The following KCNG2 variants were observed in gnomAD, a reference collection of about 807,000 sequenced individuals.
KCNG2 encodes voltage-gated potassium channel regulatory subunit KCNG2.
In KCNG2, 7 loss-of-function variants were observed where a neutral mutation model predicts 12.3. The observed-to-expected ratio is 0.57, with a 90% confidence interval of 0.32 to 1.07. The LOEUF is 1.07. KCNG2 is among the 50% of genes least tolerant of loss of function. The probability of loss-of-function intolerance (pLI) is 0.04; values close to 1 mark genes in which losing one functional copy is unlikely to be tolerated. For missense variants in KCNG2, 703 were observed against 726.0 expected, an observed-to-expected ratio of 0.97 and a Z score of 0.36; for synonymous variants, 414 against 351.4, an observed-to-expected ratio of 1.18 and a Z score of -1.99.
intron 1 of KCNG2, among the ~76,000 whole-genome samples, chr18:79,850,346 T>A (rs529272269): frequency 1.7e-3 from 256 of 152,360 alleles, no homozygotes; most frequent in Non-Finnish European, 2.6e-3. Flanking sequence ...CTTGATAAAG[T>A]CATTTGAGTT....
At chr18:79,894,945 T>G (rs555122277) in intron 3 of KCNG2, among the ~76,000 whole-genome samples, 7 of 147,784 alleles carry the variant, frequency 4.7e-5, no homozygotes, top group South Asian at 4.3e-4. Context: ...ACATCTAATG[T>G]TACGATTGAT....
intron 3 of KCNG2, among the ~76,000 whole-genome samples, chr18:79,897,815 C>T (rs1320815485): frequency 2.0e-5 from 3 of 151,814 alleles, no homozygotes; most frequent in South Asian, 2.1e-4. Flanking sequence ...GTCTCGGTGT[C>T]GAAGCACCAG....
intron 1 of KCNG2, among the ~76,000 whole-genome samples, chr18:79,836,742 G>A (rs1978329344): frequency 6.6e-6 from 1 of 152,130 alleles, no homozygotes. Context: ...TTTAAACCAT[G>A]AGTCCTTGTA....
intron 1 of KCNG2, among the ~76,000 whole-genome samples, chr18:79,823,271 G>A (rs971024522): frequency 4.6e-5 from 7 of 152,192 alleles, no homozygotes; most frequent in African/African-American, 1.7e-4. Context: ...GCGGGCACTG[G>A]GCTGTTTCCA....
At chr18:79,859,536 C>G (rs534992985) in intron 2 of KCNG2, among the ~76,000 whole-genome samples, 1 of 128,404 alleles carries the variant, frequency 7.8e-6, no homozygotes, top group African/African-American at 2.5e-5. Flanking sequence ...CGAGAACTCA[C>G]TCATTACCAT....
rs115972654 is a variant in KCNG2, at chr18:79,826,638, C to T, written c.-115+28624C>T. Among the ~76,000 whole-genome samples, 220 of 131,030 alleles carry T rather than the reference C, an allele frequency of 1.7e-3. 1 individual carries two copies. Among genetic ancestry groups the T allele is most frequent in the African/African-American group, 6.5e-3 (212 of 32,558 alleles). The allele number at this position is 131,030 out of a possible 152,430, so 86.0% of individuals were successfully genotyped here. On this transcript the variant is annotated intron_variant, in intron 1 of 3. Transcript: ENST00000316249. Reference sequence around the variant, plus strand: ...GTGAGCAGCTCCTCACGGAAGATTACATTCGGCGCGTTACGTCATTACATC... The same window carrying T: ...GTGAGCAGCTCCTCACGGAAGATTATATTCGGCGCGTTACGTCATTACATC...
intron 1 of KCNG2, among the ~76,000 whole-genome samples, chr18:79,798,931 CCG>C (rs2087386318): frequency 2.0e-5 from 3 of 152,318 alleles, no homozygotes; most frequent in Admixed American, 1.3e-4. Flanking sequence ...GAGCCCCCGC[CCG>C]CGCGCCTGGC....
Position 79,869,274 on chromosome 18 carries a change from G to C in KCNG2, c.624+4983G>C, listed in dbSNP as rs552748134. Among the ~76,000 whole-genome samples the C allele has an allele frequency of 5.5e-3, 833 of 151,538 alleles. 7 individuals carry two copies. The highest frequency in any genetic ancestry group is 0.019 in the African/African-American group (796 of 41,510). On this transcript the variant is annotated intron_variant, in intron 3 of 3. Coordinates refer to ENST00000316249, the MANE Select transcript of KCNG2 (RefSeq NM_012283.2). Reference sequence around the variant, plus strand: ...CACAGGGGCAGTAGCTCCCTGTGGGGAGGGCTCGGCTCAGGGACCACGGAA... The same window carrying C: ...CACAGGGGCAGTAGCTCCCTGTGGGCAGGGCTCGGCTCAGGGACCACGGAA...
intron 3 of KCNG2, among the ~76,000 whole-genome samples, chr18:79,881,654 G>A (rs1980300731): frequency 6.6e-6 from 1 of 152,118 alleles, no homozygotes; most frequent in African/African-American, 2.4e-5. Context: ...CTGAAGACTC[G>A]GTGTGACTAA....
intron 1 of KCNG2, among the ~76,000 whole-genome samples, chr18:79,852,411 A>G (rs1361902597): frequency 6.6e-6 from 1 of 152,272 alleles, no homozygotes; most frequent in Non-Finnish European, 1.5e-5. Flanking sequence ...AAGCATGTCT[A>G]AAGAGCCCGT....
At chr18:79,825,645 T>C (rs975663265) in intron 1 of KCNG2, among the ~76,000 whole-genome samples, 3 of 152,212 alleles carry the variant, frequency 2.0e-5, no homozygotes, top group Non-Finnish European at 4.4e-5. Flanking sequence ...AGATGAAGTG[T>C]CAATAAGGAT....
At chr18:79,842,572 C>T (rs970508893) in intron 1 of KCNG2, among the ~76,000 whole-genome samples, 1 of 152,108 alleles carries the variant, frequency 6.6e-6, no homozygotes. Flanking sequence ...CTTAAAGAAG[C>T]TCAGTGAGCT....
chr18:79,844,902 AT>A (rs1453731082), intron 1 of KCNG2, among the ~76,000 whole-genome samples: 3 of 152,242 alleles, frequency 2.0e-5, no homozygotes, highest in Non-Finnish European at 4.4e-5. Context: ...GATAAATTGA[AT>A]TTTATCAAAA....
chr18:79,834,487 C>T (rs1296407305), intron 1 of KCNG2, among the ~76,000 whole-genome samples: 3 of 152,054 alleles, frequency 2.0e-5, no homozygotes, highest in Non-Finnish European at 4.4e-5. Context: ...CGACAAAGTC[C>T]GGCAGAGTCA....
rs565942438 is a variant in KCNG2, at chr18:79,825,051, A to C, written c.-115+27037A>C. On this transcript the variant is annotated intron_variant, in intron 1 of 3. Coordinates refer to ENST00000316249, the MANE Select transcript of KCNG2 (RefSeq NM_012283.2). ...GCATGGAGACTATCTAGGCTTTATA[A>C]TCTTGGGAGAATTCTCTGTAAACCT... Among the ~76,000 whole-genome samples the C allele has an allele frequency of 4.0e-5, 6 of 151,506 alleles. No homozygotes were observed. The East Asian group carries it at 1.2e-3, about 29-fold the overall frequency.
chr18:79,840,138 A>G (rs913824550), intron 1 of KCNG2, among the ~76,000 whole-genome samples: 1 of 152,228 alleles, frequency 6.6e-6, no homozygotes, highest in Admixed American at 6.5e-5. Context: ...AATAAAATGA[A>G]ATAAAATGTA....
intron 1 of KCNG2, among the ~76,000 whole-genome samples, chr18:79,802,440 T>G (rs1462624995): frequency 6.6e-6 from 1 of 151,980 alleles, no homozygotes; most frequent in African/African-American, 2.4e-5. Context: ...GTCCCAGCCG[T>G]GCCGCTCCGG....
Position 79,863,889 on chromosome 18 carries a change from C to G in KCNG2, c.222C>G (p.Ser74Arg), listed in dbSNP as rs903174558. The change falls in exon 3 of 4, where the codon AGC (serine) becomes AGG (arginine). Residue 74 changes from serine to arginine, a missense_variant. Transcript: ENST00000316249. ...GCGACGAGTTCTTCTTCGACCGCAG[C>G]CCGTGCGCCTTCCGCGCCATCGTGG... ...VSRDEFFFDR[S>R]PCAFRAIVAL... 1.4e-6 allele frequency: 2 copies of G among 1,463,018 alleles called. No homozygotes were observed. Among genetic ancestry groups the G allele is most frequent in the Non-Finnish European group, 1.8e-6 (2 of 1,104,318 alleles). 90.6% of individuals were successfully genotyped at this position (1,463,018 alleles called of 1,614,324 possible). A position where few individuals can be genotyped will look rare whatever the true frequency, so the allele number is the denominator to read the frequency against.
At position 79,864,124 on chromosome 18, in the gene KCNG2, C is replaced by T; in HGVS notation, c.457C>T (p.Arg153Trp). The stretch of plus-strand genomic sequence containing the variant: ...GAGCCCGGCGCGCGCCCTGGGACCT[C>T]GGGGGCGGCTGCAGCGCGGCCGGCG... ...QGSPARALGP[R>W]GRLQRGRRRL... Residue 153 changes from arginine to tryptophan, a missense_variant, in exon 3 of 4, where the codon CGG becomes TGG. By Grantham distance (101) the Arg-to-Trp change is moderately radical (BLOSUM62 -3). Transcript: ENST00000316249. The T allele has an allele frequency of 2.4e-6, 3 of 1,261,832 alleles. No homozygotes were observed. The highest frequency in any genetic ancestry group is 3.0e-6 in the Non-Finnish European group (3 of 1,002,218). 78.2% of individuals were successfully genotyped at this position (1,261,832 alleles called of 1,614,324 possible).
Sources: allele counts gnomAD v4.1 joint callset (sites outside exome capture counted in the v4.1 genomes callset), GRCh38; gene constraint gnomAD v4.1.1; transcripts MANE v1.5; gene names NCBI Gene and HGNC (gene_info 2026-07-23, HGNC 2026-07-21).